NEDD9: variants seen among roughly 807,000 people sequenced by gnomAD.
The protein encoded by NEDD9 is neural precursor cell expressed, developmentally down-regulated 9, also known as enhancer of filamentation 1.
Under a neutral mutation model 76.6 loss-of-function variants are expected in NEDD9, and 26 were observed. That is an observed-to-expected ratio of 0.34 (90% CI 0.25 to 0.47). NEDD9 has a LOEUF of 0.47. Among genes scored for constraint, NEDD9 ranks in the 20% least tolerant of loss-of-function variants. NEDD9 has a pLI of 1.00. For missense variants in NEDD9, 937 were observed against 1,058.5 expected (o/e 0.89, Z 1.59); for synonymous variants, 392 against 414.2 (o/e 0.95, Z 0.65).
intron 1 of NEDD9, among the ~76,000 whole-genome samples, chr6:11,366,294 G>GGAAGGAAGGAAGGAAGGAATGAAAGAAA (rs58662867): frequency 8.5e-6 from 1 of 117,298 alleles, no homozygotes; most frequent in African/African-American, 3.5e-5. Context: ...AAGGAAGGAA[G>GGAAGGAAGGAAGGAAGGAATGAAAGAAA]GAAAGAAAGA....
intron 1 of NEDD9, among the ~76,000 whole-genome samples, chr6:11,357,008 G>C (rs939330190): frequency 7.4e-4 from 113 of 152,110 alleles, no homozygotes; most frequent in Non-Finnish European, 8.8e-5. Context: ...GAGGCCTTCT[G>C]TTCCGGAGCC....
At chr6:11,358,366 G>A (rs1762620339) in intron 1 of NEDD9, among the ~76,000 whole-genome samples, 1 of 151,494 alleles carries the variant, frequency 6.6e-6, no homozygotes, top group African/African-American at 2.4e-5. Context: ...TGCCAGTGCA[G>A]AACGCTCCTC....
At chr6:11,319,747 C>A (rs1324652282) in intron 2 of NEDD9, among the ~76,000 whole-genome samples, 1 of 77,012 alleles carries the variant, frequency 1.3e-5, no homozygotes, top group Non-Finnish European at 3.1e-5. Context: ...TGCACACACA[C>A]ACTAACATGC....
chr6:11,255,974 G>A (rs1171377652), intron 3 of NEDD9, among the ~76,000 whole-genome samples: 4 of 151,966 alleles, frequency 2.6e-5, no homozygotes, highest in African/African-American at 4.8e-5. Context: ...TTTTTGCTAC[G>A]GAGGAATACA....
At chr6:11,233,751 G>A (rs1488868741), upstream of NEDD9, among the ~76,000 whole-genome samples, 1 of 152,132 alleles carries the variant, frequency 6.6e-6, no homozygotes, top group Non-Finnish European at 1.5e-5. Context: ...CTCTTCTCAC[G>A]GACAGAGCAG....
intron 2 of NEDD9, chr6:11,199,477 C>T (rs752391039): frequency 6.6e-6 from 1 of 152,114 alleles, no homozygotes; most frequent in Non-Finnish European, 1.5e-5. Flanking sequence ...GGCATAAAGC[C>T]ATAATAAGCC....
chr6:11,248,357 T>A (rs575826584), intron 3 of NEDD9, among the ~76,000 whole-genome samples: 42 of 152,314 alleles, frequency 2.8e-4, no homozygotes, highest in African/African-American at 9.6e-4. Flanking sequence ...TGGAACCTGA[T>A]GCTCAGGGAG....
chr6:11,234,794 C>T (rs994392501), upstream of NEDD9, among the ~76,000 whole-genome samples: 2 of 150,210 alleles, frequency 1.3e-5, no homozygotes, highest in African/African-American at 4.9e-5. Context: ...CGGCTCACTG[C>T]AATCCCCGCA....
At chr6:11,248,693 C>A (rs922462987) in intron 3 of NEDD9, among the ~76,000 whole-genome samples, 2 of 152,164 alleles carry the variant, frequency 1.3e-5, no homozygotes, top group Admixed American at 6.5e-5. Flanking sequence ...CAAGGCCAGG[C>A]CCATCCAGAA....
intron 2 of NEDD9, chr6:11,200,658 C>A: frequency 8.5e-7 from 1 of 1,176,508 alleles, no homozygotes. Flanking sequence ...AGAAATCAAT[C>A]TTTAGGAATG....
chr6:11,339,395 G>T (rs1237281456), intron 1 of NEDD9, among the ~76,000 whole-genome samples: 1 of 152,106 alleles, frequency 6.6e-6, no homozygotes, highest in East Asian at 1.9e-4. Context: ...CCTGGATGAG[G>T]CTGAGCCTTT....
chr6:11,340,911 C>G (rs1240163083), intron 1 of NEDD9, among the ~76,000 whole-genome samples: 1 of 152,150 alleles, frequency 6.6e-6, no homozygotes, highest in Non-Finnish European at 1.5e-5. Context: ...CAGTGTCTTT[C>G]CCACCACCAT....
At chr6:11,373,305 T>A (rs1328789395) in intron 1 of NEDD9, among the ~76,000 whole-genome samples, 1 of 152,220 alleles carries the variant, frequency 6.6e-6, no homozygotes, top group Non-Finnish European at 1.5e-5. Context: ...ATGAATAACA[T>A]GTTGTATATA....
chr6:11,355,570 C>A (rs1582046129), intron 1 of NEDD9, among the ~76,000 whole-genome samples: 1 of 152,096 alleles, frequency 6.6e-6, no homozygotes, highest in Non-Finnish European at 1.5e-5. Flanking sequence ...CTTGGGCAGA[C>A]CTGAATGGTC....
chr6:11,193,762 A>G (rs1758222406), intron 2 of NEDD9, 70 bp from the exon 3 acceptor site: 2 of 995,420 alleles, frequency 2.0e-6, no homozygotes, highest in Non-Finnish European at 3.1e-6. Flanking sequence ...CCTCCTAACT[A>G]AGCACTCATC....
chr6:11,300,435 C>T (rs1054450852), intron 3 of NEDD9, among the ~76,000 whole-genome samples: 1 of 152,160 alleles, frequency 6.6e-6, no homozygotes. Flanking sequence ...TTGGAAAACA[C>T]TCTTCAGGAT....
chr6:11,265,264 T>C (rs1760181548), intron 3 of NEDD9, among the ~76,000 whole-genome samples: 1 of 152,256 alleles, frequency 6.6e-6, no homozygotes, highest in Non-Finnish European at 1.5e-5. Flanking sequence ...CCAGGCTTTA[T>C]ATCTGTTATA....
chr6:11,194,136 G>A (rs1414753590), intron 2 of NEDD9, among the ~76,000 whole-genome samples: 1 of 152,120 alleles, frequency 6.6e-6, no homozygotes, highest in African/African-American at 2.4e-5. Context: ...GATTACAGGT[G>A]TGAGCCACTG....
intron 2 of NEDD9, among the ~76,000 whole-genome samples, chr6:11,307,499 G>A (rs1036479731): frequency 8.6e-5 from 13 of 152,008 alleles, no homozygotes; most frequent in African/African-American, 2.7e-4. Context: ...CGTTTCCAGC[G>A]CCCTGTCTGT....
Sources: allele counts gnomAD v4.1 joint callset (sites outside exome capture counted in the v4.1 genomes callset), GRCh38; gene constraint gnomAD v4.1.1; transcripts MANE v1.5; gene names NCBI Gene and HGNC (gene_info 2026-07-23, HGNC 2026-07-21).